The following EFCAB6 variants were observed in gnomAD, a reference collection of about 807,000 sequenced individuals.
The protein encoded by EFCAB6 is EF-hand calcium-binding domain-containing protein 6.
In EFCAB6, 156 loss-of-function variants were observed where a neutral mutation model predicts 169.8. The observed-to-expected ratio is 0.92, with a 90% CI of 0.81 to 1.05. The LOEUF is 1.05. Among genes scored for constraint, EFCAB6 ranks in the 50% least tolerant of loss-of-function variants. The probability of loss-of-function intolerance (pLI) is 0.00; values close to 1 mark genes in which losing one functional copy is unlikely to be tolerated. For synonymous variants in EFCAB6, 698 were observed against 676.4 expected (o/e 1.03, Z -0.50); for missense variants, 1,800 against 1,829.1 (o/e 0.98, Z 0.29).
chr22:43,742,601 A>G (rs906968347), intron 6 of EFCAB6, among the ~76,000 whole-genome samples: 3 of 152,238 alleles, frequency 2.0e-5, no homozygotes, highest in African/African-American at 7.2e-5. Context: ...ATGGGCCTGC[A>G]TGGTCCCAGA....
At chr22:43,661,806 T>C (rs986219438) in intron 17 of EFCAB6, among the ~76,000 whole-genome samples, 1 of 152,176 alleles carries the variant, frequency 6.6e-6, no homozygotes, top group African/African-American at 2.4e-5. Flanking sequence ...CAAAGTCTTA[T>C]TGATAGTTAA....
intron 12 of EFCAB6, among the ~76,000 whole-genome samples, chr22:43,681,860 A>G (rs2058018167): frequency 2.0e-5 from 3 of 152,204 alleles, no homozygotes; most frequent in Admixed American, 2.0e-4. Context: ...GATGACTGAG[A>G]GGAAGTAAGC....
chr22:43,715,535 C>T (rs1056896072), intron 9 of EFCAB6, among the ~76,000 whole-genome samples: 6 of 152,156 alleles, frequency 3.9e-5, no homozygotes, highest in Admixed American at 1.3e-4. Flanking sequence ...AAATTAAATA[C>T]GTTTTATTTT....
intron 6 of EFCAB6, among the ~76,000 whole-genome samples, chr22:43,751,745 T>C (rs1286969462): frequency 6.6e-6 from 1 of 152,244 alleles, no homozygotes; most frequent in East Asian, 1.9e-4. Context: ...CTTCTCTCTG[T>C]GATGGACTGG....
At chr22:43,529,914 A>T (rs1383963084) in intron 31 of EFCAB6, among the ~76,000 whole-genome samples, 1 of 152,226 alleles carries the variant, frequency 6.6e-6, no homozygotes, top group Non-Finnish European at 1.5e-5. Context: ...GTATATAAAG[A>T]TGAGGCCATA....
At chr22:43,773,303 A>G (rs1320795756) in intron 3 of EFCAB6, among the ~76,000 whole-genome samples, 200 bp from the exon 4 acceptor site, 1 of 152,216 alleles carries the variant, frequency 6.6e-6, no homozygotes, top group Non-Finnish European at 1.5e-5. Context: ...TTTGGTCAAT[A>G]TAGAATAATA....
At chr22:43,586,340 A>ATTTTTTTTTTTTTTTTTTTTTTTTTT (rs36058832) in intron 24 of EFCAB6, among the ~76,000 whole-genome samples, 7 of 72,908 alleles carry the variant, frequency 9.6e-5, no homozygotes, top group African/African-American at 1.9e-4. Flanking sequence ...GCAACAACTG[A>ATTTTTTTTTTTTTTTTTTTTTTTTTT]TTTTTTTTTT....
intron 17 of EFCAB6, among the ~76,000 whole-genome samples, chr22:43,638,874 C>G (rs2055614824): frequency 6.6e-6 from 1 of 151,178 alleles, no homozygotes; most frequent in Non-Finnish European, 1.5e-5. Context: ...CAACCTCTGC[C>G]TCCCGGGTTC....
Position 43,683,742 on chromosome 22 carries a change from C to T in EFCAB6, c.1251+5G>A. ...TTTCACAAGAGAAGGCTTTCAAAATCTTACAGTGTTGATTATCAGTAATGC... is the reference window on the plus strand; with the variant it reads ...TTTCACAAGAGAAGGCTTTCAAAATTTTACAGTGTTGATTATCAGTAATGC... On this transcript the variant is annotated splice_donor_5th_base_variant and intron_variant, in intron 12 of 31. Transcript: ENST00000262726. 1 of 1,594,654 alleles carries T rather than the reference C, an allele frequency of 6.3e-7. No homozygotes were observed. Among genetic ancestry groups the T allele is most frequent in the Non-Finnish European group, 8.6e-7 (1 of 1,162,232 alleles).
chr22:43,622,997 G>A (rs1178151199), intron 20 of EFCAB6, among the ~76,000 whole-genome samples: 1 of 152,218 alleles, frequency 6.6e-6, no homozygotes, highest in African/African-American at 2.4e-5. Flanking sequence ...GCTAAGGCAA[G>A]AAAATTTGAG....
chr22:43,782,725 T>A (rs1467601067), intron 2 of EFCAB6, among the ~76,000 whole-genome samples: 3 of 152,144 alleles, frequency 2.0e-5, no homozygotes, highest in Non-Finnish European at 2.9e-5. Context: ...GCGAAACTGG[T>A]GGAGTAAGGA....
chr22:43,783,565 G>A (rs1420201477), intron 2 of EFCAB6, among the ~76,000 whole-genome samples: 1 of 152,190 alleles, frequency 6.6e-6, no homozygotes, highest in Non-Finnish European at 1.5e-5. Context: ...CTGTTCCCAG[G>A]CATTTACGGA....
At chr22:43,584,890 G>C (rs1013746446) in intron 24 of EFCAB6, among the ~76,000 whole-genome samples, 2 of 152,132 alleles carry the variant, frequency 1.3e-5, no homozygotes, top group Admixed American at 1.3e-4. Flanking sequence ...GGAGCTCCTA[G>C]GGAAACCCAG....
intron 27 of EFCAB6, among the ~76,000 whole-genome samples, chr22:43,540,901 C>T (rs979913607): frequency 3.3e-5 from 5 of 152,160 alleles, no homozygotes; most frequent in African/African-American, 9.6e-5. Flanking sequence ...AACCAGGGAG[C>T]GGTTTATGGC....
At chr22:43,722,408 G>A (rs1041384399) in intron 8 of EFCAB6, among the ~76,000 whole-genome samples, 10 of 152,084 alleles carry the variant, frequency 6.6e-5, no homozygotes, top group African/African-American at 2.4e-4. Flanking sequence ...GCATGCGCCT[G>A]TAATCCCAGC....
intron 7 of EFCAB6, among the ~76,000 whole-genome samples, chr22:43,735,509 T>G (rs1302423567): frequency 4.3e-5 from 6 of 141,116 alleles, no homozygotes; most frequent in African/African-American, 1.6e-4. Flanking sequence ...AAATCAACAG[T>G]GAACTAGAAA....
Position 43,562,364 on chromosome 22 carries a change from G to C in EFCAB6, c.3421-7268C>G, listed in dbSNP as rs372396633. ...GCTACTCACACCCCACTTTGATGGG[G>C]TGCTTCTCAGCTTCAAATGTATCCA... On this transcript the variant is annotated intron_variant, in intron 26 of 31. Transcript: ENST00000262726. Among the ~76,000 whole-genome samples, 6 of 152,178 alleles carry C rather than the reference G, an allele frequency of 3.9e-5. No homozygotes were observed. The East Asian group carries it at 7.7e-4, about 20-fold the overall frequency.
chr22:43,574,713 T>C (rs868855067), intron 26 of EFCAB6, among the ~76,000 whole-genome samples: 14 of 150,874 alleles, frequency 9.3e-5, no homozygotes, highest in African/African-American at 3.4e-4. Flanking sequence ...AGACAAGCCA[T>C]GGACCAGCAG....
intron 2 of EFCAB6, among the ~76,000 whole-genome samples, chr22:43,787,903 A>C (rs762307746): frequency 2.0e-5 from 3 of 152,346 alleles, no homozygotes; most frequent in Non-Finnish European, 4.4e-5. Flanking sequence ...ATAAGTATGC[A>C]CATATAGATC....
Sources: gnomAD v4.1 joint callset for allele counts (sites outside exome capture counted in the v4.1 genomes callset) on GRCh38, gnomAD v4.1.1 for gene constraint, MANE v1.5 for transcripts, NCBI Gene and HGNC (gene_info 2026-07-23, HGNC 2026-07-21) for gene names.